The following FBXL17 variants were observed in gnomAD, a reference collection of about 807,000 sequenced individuals.
FBXL17 encodes F-box and leucine rich repeat protein 17.
FBXL17 carries 22 observed loss-of-function variants against 66.2 expected under a neutral mutation model. That is an observed-to-expected ratio of 0.33 (90% CI 0.24 to 0.47). The LOEUF (loss-of-function observed/expected upper bound fraction) is 0.47. Ranked by LOEUF, FBXL17 falls within the 20% of genes least tolerant of loss-of-function variation. FBXL17 has a pLI of 1.00. For synonymous variants in FBXL17, 474 were observed against 400.5 expected (o/e 1.18, Z -2.19); for missense variants, 878 against 948.2 (o/e 0.93, Z 0.97).
rs1748078249 is a variant in FBXL17, at chr5:107,860,018, T to C, written c.*1702A>G. Reference sequence around the variant, plus strand: ...ATTAAATTAGAAACCCATTTAGTTATGGGAAGAATACTCATGGCGCTTACT... The same window carrying C: ...ATTAAATTAGAAACCCATTTAGTTACGGGAAGAATACTCATGGCGCTTACT... On this transcript the variant is annotated 3_prime_UTR_variant, in exon 9 of 9. Coordinates refer to ENST00000542267, the MANE Select transcript of FBXL17 (RefSeq NM_001163315.3). The C allele has an allele frequency of 6.6e-6, 1 of 152,218 alleles. No individual in the cohort carries two copies. Among genetic ancestry groups the C allele is most frequent in the Non-Finnish European group, 1.5e-5 (1 of 68,026 alleles). The allele number at this position is 152,218 out of a possible 1,614,324, so 9.4% of individuals were successfully genotyped here.
intron 1 of FBXL17, among the ~76,000 whole-genome samples, chr5:108,368,187 T>C (rs1031615114): frequency 1.3e-4 from 19 of 151,786 alleles, no homozygotes; most frequent in Admixed American, 3.3e-4. Flanking sequence ...AGAACAGGCA[T>C]GTACTGACAC....
At chr5:108,290,487 T>A (rs563312483) in intron 4 of FBXL17, among the ~76,000 whole-genome samples, 1 of 152,186 alleles carries the variant, frequency 6.6e-6, no homozygotes, top group African/African-American at 2.4e-5. Context: ...ATTATTTGGC[T>A]CTTCTTGCTA....
intron 7 of FBXL17, among the ~76,000 whole-genome samples, chr5:107,951,133 T>C (rs1751486655): frequency 1.3e-5 from 2 of 152,132 alleles, no homozygotes; most frequent in African/African-American, 2.4e-5. Context: ...CACAGGGTGC[T>C]GGAAAAAAGT....
intron 6 of FBXL17, among the ~76,000 whole-genome samples, chr5:108,141,912 A>G (rs527758004): frequency 1.3e-5 from 2 of 152,236 alleles, no homozygotes; most frequent in Non-Finnish European, 2.9e-5. Flanking sequence ...TCCCACCCCA[A>G]GTTGAGTTGA....
At chr5:107,928,198 A>G (rs1470757317) in intron 7 of FBXL17, among the ~76,000 whole-genome samples, 1 of 152,098 alleles carries the variant, frequency 6.6e-6, no homozygotes, top group African/African-American at 2.4e-5. Context: ...CAAAGAAAAA[A>G]TAGGACTCCT....
chr5:108,001,523 CAG>C (rs1419610128), intron 7 of FBXL17, among the ~76,000 whole-genome samples: 1 of 151,194 alleles, frequency 6.6e-6, no homozygotes, highest in African/African-American at 2.4e-5. Context: ...TTTTTTGAGA[CAG>C]AGTCGCACTC....
chr5:108,376,321 G>T (rs1237587409), intron 1 of FBXL17, among the ~76,000 whole-genome samples: 4 of 152,180 alleles, frequency 2.6e-5, no homozygotes, highest in Admixed American at 6.5e-5. Context: ...AGATTGGGGA[G>T]CTGGAATTAA....
At chr5:107,890,481 G>A (rs1467270244) in intron 7 of FBXL17, among the ~76,000 whole-genome samples, 2 of 151,864 alleles carry the variant, frequency 1.3e-5, no homozygotes, top group African/African-American at 4.8e-5. Context: ...GGGCAACATG[G>A]CAAAACTTCA....
chr5:107,869,207 G>A (rs531790517), intron 8 of FBXL17, among the ~76,000 whole-genome samples: 2 of 152,282 alleles, frequency 1.3e-5, no homozygotes, highest in Middle Eastern at 3.4e-3. Context: ...CTGACTCCTG[G>A]TGGCCCAGAG....
At chr5:108,253,216 G>T (rs974607721) in intron 4 of FBXL17, among the ~76,000 whole-genome samples, 1 of 152,128 alleles carries the variant, frequency 6.6e-6, no homozygotes, top group East Asian at 1.9e-4. Flanking sequence ...ATGAATCACA[G>T]AAAAGGTACT....
At chr5:107,880,209 A>T in intron 8 of FBXL17, 4 of 240,730 alleles carry the variant, frequency 1.7e-5, no homozygotes, top group Non-Finnish European at 2.7e-5. Flanking sequence ...CTGGGACTAC[A>T]GGTGTGTGCC....
At chr5:107,968,490 C>G (rs1172618796) in intron 7 of FBXL17, among the ~76,000 whole-genome samples, 1 of 152,084 alleles carries the variant, frequency 6.6e-6, no homozygotes, top group South Asian at 2.1e-4. Context: ...ACATCTGTTA[C>G]TCTTGCTAAA....
At chr5:108,155,492 G>A (rs192281950) in intron 6 of FBXL17, among the ~76,000 whole-genome samples, 77 of 152,198 alleles carry the variant, frequency 5.1e-4, no homozygotes, top group African/African-American at 1.8e-3. Flanking sequence ...TCCAGCCTGG[G>A]TGACAGAGCA....
chr5:107,904,433 T>C (rs1749684359), intron 7 of FBXL17, among the ~76,000 whole-genome samples: 3 of 152,188 alleles, frequency 2.0e-5, no homozygotes, highest in Non-Finnish European at 2.9e-5. Context: ...CAAGTCTAAC[T>C]GGTTTCTTGA....
intron 6 of FBXL17, among the ~76,000 whole-genome samples, chr5:108,065,182 T>C (rs1748072328): frequency 6.6e-6 from 1 of 152,182 alleles, no homozygotes; most frequent in Admixed American, 6.6e-5. Context: ...GGGTATGATA[T>C]GTACATATGT....
At chr5:108,274,849 G>GT (rs1298737346) in intron 4 of FBXL17, among the ~76,000 whole-genome samples, 4 of 152,120 alleles carry the variant, frequency 2.6e-5, no homozygotes, top group Admixed American at 2.0e-4. Context: ...TAAGGATTTT[G>GT]TATGTTACAA....
At chr5:107,950,786 C>A (rs184018103) in intron 7 of FBXL17, among the ~76,000 whole-genome samples, 1 of 152,078 alleles carries the variant, frequency 6.6e-6, no homozygotes, top group Admixed American at 6.5e-5. Context: ...TGTCTAAATC[C>A]GTTTGTCATA....
At chr5:107,911,988 G>A (rs1749963707) in intron 7 of FBXL17, among the ~76,000 whole-genome samples, 1 of 152,074 alleles carries the variant, frequency 6.6e-6, no homozygotes, top group Non-Finnish European at 1.5e-5. Context: ...TCATTGGACA[G>A]AACAGCAAAT....
chr5:108,340,277 A>G (rs897453483), intron 4 of FBXL17, among the ~76,000 whole-genome samples: 10 of 151,928 alleles, frequency 6.6e-5, no homozygotes, highest in African/African-American at 2.4e-4. Flanking sequence ...TAGGCCAGGC[A>G]TGGTGGCTGA....
Sources: allele counts gnomAD v4.1 joint callset (sites outside exome capture counted in the v4.1 genomes callset), GRCh38; gene constraint gnomAD v4.1.1; transcripts MANE v1.5; gene names NCBI Gene and HGNC (gene_info 2026-07-23, HGNC 2026-07-21).